The following MTR variants were observed in gnomAD, a reference collection of about 807,000 sequenced individuals.
The protein encoded by MTR is methionine synthase.
MTR carries 84 observed loss-of-function variants against 154.8 expected under a neutral mutation model. The ratio of observed to expected loss-of-function variants is 0.54; its 90% CI spans 0.45 to 0.65. MTR has a LOEUF of 0.65. Ranked by LOEUF, MTR falls within the 30% of genes least tolerant of loss-of-function variation. The probability of loss-of-function intolerance (pLI) is 0.00; values close to 1 mark genes in which losing one functional copy is unlikely to be tolerated. For missense variants in MTR, 1,275 were observed against 1,570.2 expected (o/e 0.81, Z 3.18); for synonymous variants, 554 against 553.9 (o/e 1.00, Z 0.00).
intron 31 of MTR, 142 bp from the exon 32 acceptor site, chr1:236,896,864 A>C: frequency 3.9e-6 from 3 of 764,464 alleles, no homozygotes; most frequent in Non-Finnish European, 7.2e-6. Flanking sequence ...CACAGCTTTC[A>C]TGCTGTGTCA....
chr1:236,834,649 T>C (rs971375407), intron 13 of MTR, among the ~76,000 whole-genome samples: 3 of 152,062 alleles, frequency 2.0e-5, no homozygotes, highest in African/African-American at 7.2e-5. Flanking sequence ...CAAGACAATA[T>C]CAGCATCTAC....
At position 236,797,112 on chromosome 1, in the gene MTR, G is replaced by C. The variant is rs1660438444; in HGVS notation, c.34+1375G>C. On this transcript the variant is annotated intron_variant, in intron 1 of 32. Coordinates refer to ENST00000366577, the MANE Select transcript of MTR (RefSeq NM_000254.3). ...AGGCTGGCTTCTAGAGTTGAGCACT[G>C]AGTGGAGTTTAACCAAGTCTAGGGC... Among the ~76,000 whole-genome samples, 3 of 152,270 alleles carry C rather than the reference G, an allele frequency of 2.0e-5. No homozygotes were observed. In the South Asian group the frequency reaches 6.2e-4, roughly 32 times the overall value.
intron 30 of MTR, chr1:236,894,822 A>T: frequency 2.0e-6 from 1 of 509,422 alleles, no homozygotes. Flanking sequence ...TCTCTACCTT[A>T]TCTCTGTTGT....
chr1:236,898,307 T>G lies in MTR; in HGVS notation c.*663T>G, dbSNP rs545687228. The G allele has an allele frequency of 6.6e-6, 1 of 152,404 alleles. No homozygotes were observed. The highest frequency in any genetic ancestry group is 2.1e-4 in the South Asian group (1 of 4,824). 9.4% of individuals were successfully genotyped at this position (152,404 alleles called of 1,614,324 possible). ...TCTGGGCATTTTCGTCCTCCCATAA[T>G]TTCATATTTCCGTACCCCTGAGGAA... On this transcript the variant is annotated 3_prime_UTR_variant, in exon 33 of 33. Coordinates refer to ENST00000366577, the MANE Select transcript of MTR (RefSeq NM_000254.3).
chr1:236,829,278 A>G lies in MTR; in HGVS notation c.1075+10A>G. ...CATATGTTACTGTCTGGTGAGTCAT[A>G]AAGACCTGGTATTCCTGATTGCAGA... On this transcript the variant is annotated intron_variant, in intron 12 of 32. Coordinates refer to ENST00000366577, the MANE Select transcript of MTR (RefSeq NM_000254.3). 6.2e-7 allele frequency: 1 copy of G among 1,607,104 alleles called. No homozygotes were observed. The highest frequency in any genetic ancestry group is 8.5e-7 in the Non-Finnish European group (1 of 1,173,704).
At chr1:236,878,012 A>T (rs998508478) in intron 24 of MTR, among the ~76,000 whole-genome samples, 12 of 152,216 alleles carry the variant, frequency 7.9e-5, no homozygotes, top group African/African-American at 1.7e-4. Context: ...AAATATTTTT[A>T]AAAATTGGGT....
In MTR at chr1:236,889,169, TCTCTC is replaced by T. The variant is rs770680020; in HGVS notation, c.2852-9_2852-5del. 12 of 1,613,954 alleles carry T rather than the reference TCTCTC, an allele frequency of 7.4e-6. No individual in the cohort carries two copies. The highest frequency in any genetic ancestry group is 1.3e-5 in the African/African-American group (1 of 74,916). ...CAGCGTCAGCATTGACAACCATACT[TCTCTC>T]CTGTAGTGAAGCCCACGTTTATTGG... On this transcript the variant is annotated splice_polypyrimidine_tract_variant and splice_region_variant and intron_variant, in intron 27 of 32. Coordinates refer to ENST00000366577, the MANE Select transcript of MTR (RefSeq NM_000254.3).
intron 29 of MTR, among the ~76,000 whole-genome samples, chr1:236,892,902 T>C (rs1666410875): frequency 1.3e-5 from 2 of 152,224 alleles, no homozygotes; most frequent in African/African-American, 4.8e-5. Context: ...GGGCATTTAA[T>C]AGAATGAATT....
intron 10 of MTR, among the ~76,000 whole-genome samples, chr1:236,825,942 T>G (rs1443510785): frequency 3.3e-5 from 5 of 152,228 alleles, no homozygotes; most frequent in East Asian, 3.8e-4. Context: ...ATTTCTGACT[T>G]ACTTCTTATG....
chr1:236,865,584 G>A (rs540475385), intron 22 of MTR, among the ~76,000 whole-genome samples: 39 of 152,198 alleles, frequency 2.6e-4, no homozygotes, highest in Non-Finnish European at 5.0e-4. Flanking sequence ...TCTTTGTGGG[G>A]ATAAAAGAAA....
At chr1:236,840,622 T>G (rs2103180239) in intron 15 of MTR, among the ~76,000 whole-genome samples, 1 of 152,356 alleles carries the variant, frequency 6.6e-6, no homozygotes, top group South Asian at 2.1e-4. Context: ...AATGAAAAGT[T>G]TTGTATAAAC....
rs779363875 is a variant in MTR, at chr1:236,803,656, AG to A, written c.249+16del. Reference sequence around the variant, plus strand: ...CAAATCCATAAGGTAAAGTATTCCCAGGTTCCCATGTGTATTCATTCTGTTA... The same window carrying A: ...CAAATCCATAAGGTAAAGTATTCCCAGTTCCCATGTGTATTCATTCTGTTA... On this transcript the variant is annotated intron_variant, in intron 2 of 32. Transcript: ENST00000366577. The A allele has an allele frequency of 3.1e-6, 5 of 1,609,606 alleles. No homozygotes were observed. Among genetic ancestry groups the A allele is most frequent in the Non-Finnish European group, 2.6e-6 (3 of 1,176,418 alleles).
intron 26 of MTR, among the ~76,000 whole-genome samples, chr1:236,885,507 T>G (rs973876688): frequency 2.6e-5 from 4 of 152,196 alleles, no homozygotes; most frequent in African/African-American, 9.7e-5. Context: ...GAATAAAACA[T>G]GAGTTCATAC....
intron 15 of MTR, among the ~76,000 whole-genome samples, chr1:236,846,855 G>A (rs1010036712): frequency 4.6e-5 from 7 of 151,822 alleles, no homozygotes; most frequent in African/African-American, 1.7e-4. Context: ...ACAAACATCC[G>A]TTTCCATCAC....
intron 14 of MTR, 98 bp downstream of exon 14, chr1:236,835,785 C>A: frequency 4.0e-6 from 6 of 1,511,476 alleles, no homozygotes; most frequent in Non-Finnish European, 5.5e-6. Context: ...AACTCAAGAA[C>A]TGGTTTTCTG....
At chr1:236,796,463 TGAG>T (rs1193896499) in intron 1 of MTR, among the ~76,000 whole-genome samples, 4 of 152,044 alleles carry the variant, frequency 2.6e-5, no homozygotes, top group Admixed American at 1.3e-4. Flanking sequence ...TAAAAACGGG[TGAG>T]GAGATGTAGA....
chr1:236,806,363 A>G (rs1183137244), intron 3 of MTR, 130 bp downstream of exon 3: 3 of 781,808 alleles, frequency 3.8e-6, no homozygotes, highest in Non-Finnish European at 6.7e-6. Context: ...TTATGATGAG[A>G]CAGGGAAAAT....
At chr1:236,796,630 C>T (rs1178441225) in intron 1 of MTR, among the ~76,000 whole-genome samples, 1 of 151,966 alleles carries the variant, frequency 6.6e-6, no homozygotes. Flanking sequence ...GTTCTGATAA[C>T]GGGACTGATA....
In MTR at chr1:236,850,416, A is replaced by T; in HGVS notation, c.1588A>T (p.Asn530Tyr). 1 of 1,613,816 alleles carries T rather than the reference A, an allele frequency of 6.2e-7. No homozygotes were observed. The highest frequency in any genetic ancestry group is 8.5e-7 in the Non-Finnish European group (1 of 1,179,926). The change falls in exon 16 of 33, where the codon AAT (asparagine) becomes TAT (tyrosine). Residue 530 changes from asparagine (N) to tyrosine (Y), a missense_variant. Transcript: ENST00000366577. ...YHLLVKKLGF[N>Y]PNDIIFDPNI... is the part of the protein sequence containing the mutation. ...TCTGCTTGTGAAAAAACTGGGCTTT[A>T]ATCCAAATGACATTATTTTTGACCC...
Sources: gnomAD v4.1 joint callset for allele counts (sites outside exome capture counted in the v4.1 genomes callset) on GRCh38, gnomAD v4.1.1 for gene constraint, MANE v1.5 for transcripts, NCBI Gene and HGNC (gene_info 2026-07-23, HGNC 2026-07-21) for gene names.